THSD7B: variants seen among roughly 807,000 people sequenced by gnomAD.
The protein encoded by THSD7B is thrombospondin type 1 domain containing 7B.
A neutral mutation model predicts 213.6 loss-of-function variants in THSD7B; 138 were observed. The observed-to-expected ratio is 0.65, with a 90% CI of 0.56 to 0.74. The LOEUF is 0.74. Among genes scored for constraint, THSD7B ranks in the 30% least tolerant of loss-of-function variants. THSD7B has a pLI of 0.00. For missense variants in THSD7B, 1,931 were observed against 1,991.5 expected (o/e 0.97, Z 0.58); for synonymous variants, 742 against 687.0 (o/e 1.08, Z -1.25).
At chr2:137,616,777 C>T (rs773956321) in intron 18 of THSD7B, among the ~76,000 whole-genome samples, 2 of 152,070 alleles carry the variant, frequency 1.3e-5, no homozygotes, top group African/African-American at 2.4e-5. Flanking sequence ...GGGATGTTTT[C>T]GAGGCACACT....
chr2:137,466,645 T>C (rs1430654696), intron 15 of THSD7B, among the ~76,000 whole-genome samples: 3 of 152,120 alleles, frequency 2.0e-5, no homozygotes, highest in African/African-American at 7.2e-5. Flanking sequence ...TGCTTTACCT[T>C]TTTCAAATAT....
chr2:136,917,186 C>T (rs960409354), intron 2 of THSD7B, among the ~76,000 whole-genome samples: 16 of 152,106 alleles, frequency 1.1e-4, no homozygotes, highest in African/African-American at 2.7e-4. Context: ...TTATCCTCCC[C>T]GCATCCCACC....
chr2:137,118,046 A>C, intron 5 of THSD7B, among the ~76,000 whole-genome samples: 1 of 152,190 alleles, frequency 6.6e-6, no homozygotes, highest in Non-Finnish European at 1.5e-5. Context: ...ATGCAGCCAA[A>C]ATAGTGCTGT....
chr2:136,805,347 A>G (rs984247018), intron 1 of THSD7B, among the ~76,000 whole-genome samples: 1 of 152,178 alleles, frequency 6.6e-6, no homozygotes, highest in African/African-American at 2.4e-5. Flanking sequence ...GTGAATTAGA[A>G]CTAGAGGGAA....
intron 14 of THSD7B, among the ~76,000 whole-genome samples, chr2:137,442,925 G>C (rs559169430): frequency 6.6e-6 from 1 of 152,080 alleles, no homozygotes; most frequent in Non-Finnish European, 1.5e-5. Flanking sequence ...AGAATTACTC[G>C]GTAATATTGG....
chr2:137,559,875 A>G (rs931600292), intron 15 of THSD7B, among the ~76,000 whole-genome samples: 1 of 152,178 alleles, frequency 6.6e-6, no homozygotes, highest in Admixed American at 6.5e-5. Context: ...CAGGAAAGAA[A>G]CAGCCCCATC....
At chr2:137,427,429 C>T (rs1255233447) in intron 14 of THSD7B, among the ~76,000 whole-genome samples, 1 of 151,508 alleles carries the variant, frequency 6.6e-6, no homozygotes, top group Non-Finnish European at 1.5e-5. Flanking sequence ...TGAATGGATA[C>T]AATAAATAAA....
At chr2:137,479,249 T>A (rs1688252766) in intron 15 of THSD7B, among the ~76,000 whole-genome samples, 1 of 152,168 alleles carries the variant, frequency 6.6e-6, no homozygotes, top group Non-Finnish European at 1.5e-5. Context: ...GGTGGGTGCC[T>A]GCTCTGGTGG....
intron 15 of THSD7B, among the ~76,000 whole-genome samples, chr2:137,493,708 A>C (rs543552269): frequency 5.3e-5 from 8 of 152,336 alleles, no homozygotes; most frequent in African/African-American, 1.9e-4. Context: ...GCAGTCTTCT[A>C]AAATGCAGAT....
At chr2:137,040,380 C>G (rs1686857143) in intron 2 of THSD7B, among the ~76,000 whole-genome samples, 1 of 143,794 alleles carries the variant, frequency 7.0e-6, no homozygotes, top group Non-Finnish European at 1.5e-5. Flanking sequence ...CCTTCTCCTC[C>G]TCTTTCTTTC....
intron 2 of THSD7B, among the ~76,000 whole-genome samples, chr2:136,930,498 A>G (rs1021304418): frequency 1.2e-4 from 18 of 152,228 alleles, no homozygotes; most frequent in African/African-American, 4.1e-4. Flanking sequence ...ATGACAGGCC[A>G]TACAAAACCA....
chr2:137,399,817 C>A (rs1295261173), intron 12 of THSD7B, among the ~76,000 whole-genome samples: 2 of 152,066 alleles, frequency 1.3e-5, no homozygotes, highest in African/African-American at 2.4e-5. Flanking sequence ...TCTTCTCCCT[C>A]AGAAATACTG....
At chr2:137,138,624 G>A (rs1558935070) in intron 5 of THSD7B, among the ~76,000 whole-genome samples, 1 of 152,074 alleles carries the variant, frequency 6.6e-6, no homozygotes, top group Non-Finnish European at 1.5e-5. Flanking sequence ...AATTGGGTGG[G>A]TTTATCATTC....
chr2:137,604,540 A>T (rs1010301176), intron 17 of THSD7B, among the ~76,000 whole-genome samples: 3 of 152,194 alleles, frequency 2.0e-5, no homozygotes, highest in African/African-American at 7.2e-5. Flanking sequence ...TTATCCTAGA[A>T]GTCCTCTTTT....
intron 7 of THSD7B, among the ~76,000 whole-genome samples, chr2:137,172,155 C>A (rs1680265954): frequency 6.6e-6 from 1 of 152,134 alleles, no homozygotes; most frequent in Admixed American, 6.6e-5. Flanking sequence ...GCTCCTAAAA[C>A]CCTGGTTATT....
At chr2:136,769,156 A>G (rs1681461417) in intron 1 of THSD7B, among the ~76,000 whole-genome samples, 1 of 152,200 alleles carries the variant, frequency 6.6e-6, no homozygotes, top group Admixed American at 6.5e-5. Context: ...GAGAGCTAAC[A>G]GTGGCTATTT....
intron 5 of THSD7B, among the ~76,000 whole-genome samples, chr2:137,125,494 G>T (rs1688615985): frequency 6.6e-6 from 1 of 152,020 alleles, no homozygotes; most frequent in Non-Finnish European, 1.5e-5. Context: ...ACATCTTTAG[G>T]CTCCACTTCA....
At chr2:137,609,761 C>T (rs1162830610) in intron 17 of THSD7B, among the ~76,000 whole-genome samples, 1 of 151,978 alleles carries the variant, frequency 6.6e-6, no homozygotes, top group African/African-American at 2.4e-5. Context: ...TAGTTCTGGC[C>T]CCAGAGGTCA....
chr2:137,248,265 C>T (rs1346555780), intron 10 of THSD7B, among the ~76,000 whole-genome samples: 4 of 152,106 alleles, frequency 2.6e-5, no homozygotes, highest in African/African-American at 7.2e-5. Context: ...TTATTAAGTC[C>T]TCTACATGCT....
Sources: allele counts gnomAD v4.1 joint callset (sites outside exome capture counted in the v4.1 genomes callset), GRCh38; gene constraint gnomAD v4.1.1; transcripts MANE v1.5; gene names NCBI Gene and HGNC (gene_info 2026-07-23, HGNC 2026-07-21).